Variants in PRR14L observed in about 807,000 individuals in gnomAD.
The protein encoded by PRR14L is protein PRR14L.
A neutral mutation model predicts 155.0 loss-of-function variants in PRR14L; 80 were observed. That is an observed-to-expected ratio of 0.52 (90% CI 0.43 to 0.62). The LOEUF is 0.62. PRR14L is among the 20% of genes least tolerant of loss of function. The probability of loss-of-function intolerance (pLI) is 0.00; values close to 1 mark genes in which losing one functional copy is unlikely to be tolerated. For synonymous variants in PRR14L, 883 were observed against 916.0 expected (o/e 0.96, Z 0.65); for missense variants, 2,469 against 2,548.0 (o/e 0.97, Z 0.67).
In PRR14L at chr22:31,706,057, G is replaced by A. The variant is rs1176419910; in HGVS notation, c.5757-1331C>T. On this transcript the variant is annotated intron_variant, in intron 4 of 8. Coordinates refer to ENST00000327423, the MANE Select transcript of PRR14L (RefSeq NM_173566.3). ...TATAGAAGAAAATTAATGGCCAATCGTAGTGACTCACACCTGTAATCCCAG... is the reference window on the plus strand; with the variant it reads ...TATAGAAGAAAATTAATGGCCAATCATAGTGACTCACACCTGTAATCCCAG... 4.8e-5 allele frequency among the ~76,000 whole-genome samples: 7 copies of A among 145,574 alleles called. No homozygotes were observed. In the East Asian group the frequency reaches 8.6e-4, roughly 18 times the overall value.
rs750537595 is a variant in PRR14L at position 31,688,144 on chromosome 22, A to G, written c.6179+12T>C. 50 of 1,598,450 alleles carry G rather than the reference A, an allele frequency of 3.1e-5. No homozygotes were observed. Among genetic ancestry groups the G allele is most frequent in the Non-Finnish European group, 3.8e-5 (45 of 1,173,866 alleles). On this transcript the variant is annotated intron_variant, in intron 8 of 8. Transcript: ENST00000327423. Reference sequence around the variant, plus strand: ...AATTCTTCCCTTTTATTTCCCAGCTATAAGTACCTACCTGTTTGCAGGAGG... The same window carrying G: ...AATTCTTCCCTTTTATTTCCCAGCTGTAAGTACCTACCTGTTTGCAGGAGG...
chr22:31,713,463 G>GCCA lies in PRR14L; in HGVS notation c.4373_4375dup (p.Val1458dup). On this transcript the variant is annotated inframe_insertion, in exon 4 of 9. Transcript: ENST00000327423. ...CTGGTCTTCTAACTTCTGAGTCTGT[G>GCCA]CCACAATGCTGTCCTTGGCCAGCTT... 1 of 1,551,892 alleles carries GCCA rather than the reference G, an allele frequency of 6.4e-7. No individual in the cohort carries two copies. Among genetic ancestry groups the GCCA allele is most frequent in the Non-Finnish European group, 8.7e-7 (1 of 1,147,040 alleles).
chr22:31,688,184 T>C lies in PRR14L; in HGVS notation c.6151A>G (p.Lys2051Glu). The change falls in exon 8 of 9, where the codon AAG becomes GAG. Residue 2051 changes from lysine (K) to glutamate (E), a missense_variant. Lys to Glu is a moderately conservative substitution (Grantham distance 56). Coordinates refer to ENST00000327423, the MANE Select transcript of PRR14L (RefSeq NM_173566.3). ...TTTGCAGGAGGAGATTTATAATTCT[T>C]GTTGGTATATATCTCTTCTAAACTA... ...EFSLEEIYTN[K>E]NYKSPPANRC... 1 of 1,605,062 alleles carries C rather than the reference T, an allele frequency of 6.2e-7. No individual in the cohort carries two copies. Among genetic ancestry groups the C allele is most frequent in the East Asian group, 2.2e-5 (1 of 44,764 alleles).
chr22:31,741,642 C>A (rs1327068332), intron 1 of PRR14L, among the ~76,000 whole-genome samples: 1 of 152,168 alleles, frequency 6.6e-6, no homozygotes, highest in Non-Finnish European at 1.5e-5. Context: ...GAGGCCCAGG[C>A]AGGCAGATCA....
At position 31,715,851 on chromosome 22, in the gene PRR14L, T is replaced by C; in HGVS notation, c.1988A>G (p.His663Arg). 1.3e-6 allele frequency: 2 copies of C among 1,551,618 alleles called. No homozygotes were observed. Among genetic ancestry groups the C allele is most frequent in the African/African-American group, 1.4e-5 (1 of 73,176 alleles). The change falls in exon 4 of 9, where the codon CAT becomes CGT. Residue 663 changes from histidine to arginine, a missense_variant. Around this residue, in one of 2 missense-constraint regions of PRR14L, gnomAD observed 2,363 missense variants for 2,371.6 expected, o/e 1.00. Coordinates refer to ENST00000327423, the MANE Select transcript of PRR14L (RefSeq NM_173566.3). ...NQQVSLNSQE[H>R]ANLPTDSLLH... is the part of the protein sequence containing the mutation. ...TAGAGAGTCAGTTGGCAAATTTGCA[T>C]GTTCTTGAGAATTAAGGGACACTTG... is the stretch of plus-strand genomic sequence containing the variant.
chr22:31,736,695 TTGCCTCTGCCCACTTTA>T (rs1393626495), intron 2 of PRR14L, among the ~76,000 whole-genome samples: 3 of 152,146 alleles, frequency 2.0e-5, no homozygotes, highest in Non-Finnish European at 4.4e-5. Flanking sequence ...CATTTATGTA[TTGCCTCTGCCCACTTTA>T]TGCTACAATG....
At chr22:31,730,181 T>C (rs1171196050) in intron 2 of PRR14L, among the ~76,000 whole-genome samples, 2 of 150,688 alleles carry the variant, frequency 1.3e-5, no homozygotes, top group Non-Finnish European at 2.9e-5. Flanking sequence ...GGCTCATGCC[T>C]GTAATCCCAG....
At chr22:31,694,869 G>A (rs1470401809) in intron 7 of PRR14L, among the ~76,000 whole-genome samples, 5 of 152,058 alleles carry the variant, frequency 3.3e-5, no homozygotes, top group African/African-American at 1.2e-4. Context: ...CGGATCATGA[G>A]GTCAAGAGAT....
At chr22:31,689,097 T>G (rs778672955) in intron 7 of PRR14L, among the ~76,000 whole-genome samples, 2 of 152,242 alleles carry the variant, frequency 1.3e-5, no homozygotes, top group Non-Finnish European at 2.9e-5. Context: ...AAAGTATCAT[T>G]ATTAACTATT....
chr22:31,717,659 TA>T (rs1351567474), intron 3 of PRR14L, among the ~76,000 whole-genome samples: 2 of 152,236 alleles, frequency 1.3e-5, no homozygotes, highest in Admixed American at 1.3e-4. Context: ...AATAACAGCT[TA>T]TTTTACTAGA....
chr22:31,733,462 G>A (rs1345581206), intron 2 of PRR14L, among the ~76,000 whole-genome samples: 1 of 150,910 alleles, frequency 6.6e-6, no homozygotes, highest in Non-Finnish European at 1.5e-5. Context: ...GCATCACTGC[G>A]CCCAGCTGAT....
rs373112032 is a variant in PRR14L at position 31,716,361 on chromosome 22, T to C, written c.1478A>G (p.His493Arg). 1 of 1,551,036 alleles carries C rather than the reference T, an allele frequency of 6.4e-7. No homozygotes were observed. Among genetic ancestry groups the C allele is most frequent in the Non-Finnish European group, 8.7e-7 (1 of 1,146,826 alleles). The change falls in exon 4 of 9, where the codon CAT (histidine) becomes CGT (arginine). Residue 493 changes from histidine to arginine, a missense_variant. His to Arg is a conservative substitution (Grantham distance 29). Coordinates refer to ENST00000327423, the MANE Select transcript of PRR14L (RefSeq NM_173566.3). ...VQGNLTNPED[H>R]KETFTNMSHP... Reference sequence around the variant, plus strand: ...GCTCATATTAGTAAAAGTTTCTTTATGGTCCTCAGGGTTTGTCAAGTTACC... The same window carrying C: ...GCTCATATTAGTAAAAGTTTCTTTACGGTCCTCAGGGTTTGTCAAGTTACC...
At chr22:31,688,414 C>T (rs1447729713) in intron 7 of PRR14L, among the ~76,000 whole-genome samples, 187 bp from the exon 8 acceptor site, 1 of 151,410 alleles carries the variant, frequency 6.6e-6, no homozygotes, top group African/African-American at 2.4e-5. Context: ...GCCACCATGC[C>T]AGGCTAGATT....
At chr22:31,690,398 TG>T (rs1221913720) in intron 7 of PRR14L, among the ~76,000 whole-genome samples, 3 of 152,162 alleles carry the variant, frequency 2.0e-5, no homozygotes, top group Admixed American at 2.0e-4. Context: ...TTGGCCAGGC[TG>T]GTCTTGAACT....
intron 3 of PRR14L, among the ~76,000 whole-genome samples, chr22:31,722,548 A>T (rs1229826026): frequency 1.5e-5 from 2 of 136,906 alleles, no homozygotes; most frequent in Non-Finnish European, 3.1e-5. Context: ...TTTGAGACGG[A>T]GTCTTGCTCT....
chr22:31,733,885 T>C lies in PRR14L; in HGVS notation c.474+4502A>G, dbSNP rs944122885. On this transcript the variant is annotated intron_variant, in intron 2 of 8. Transcript: ENST00000327423. ...CTAATTACACGAGGCTGACCATCTC[T>C]TATGTTTAACCACCACCACCACACA... Among the ~76,000 whole-genome samples the C allele has an allele frequency of 3.3e-5, 5 of 151,868 alleles. No homozygotes were observed. In the East Asian group the frequency reaches 7.7e-4, roughly 23 times the overall value.
Position 31,717,027 on chromosome 22 carries a change from T to C in PRR14L, c.812A>G (p.Glu271Gly). The change falls in exon 4 of 9, where the codon GAA (glutamate) becomes GGA (glycine). Residue 271 changes from glutamate to glycine, a missense_variant. Transcript: ENST00000327423. ...VLTEATPKEK[E>G]CEELKSCPWL... is the part of the protein sequence containing the mutation. ...AGGACAACTTTTTAATTCTTCACAT[T>C]CTTTTTCTTTAGGAGTTGCTTCTGT... 6.4e-7 allele frequency: 1 copy of C among 1,551,824 alleles called. No individual in the cohort carries two copies. Among genetic ancestry groups the C allele is most frequent in the Non-Finnish European group, 8.7e-7 (1 of 1,147,012 alleles).
intron 3 of PRR14L, among the ~76,000 whole-genome samples, chr22:31,719,110 T>A (rs2074676646): frequency 6.7e-6 from 1 of 149,016 alleles, no homozygotes. Flanking sequence ...AACAAAACAA[T>A]CTAATTCCTG....
intron 3 of PRR14L, 50 bp from the exon 4 acceptor site, chr22:31,717,341 T>C: frequency 7.2e-7 from 1 of 1,385,696 alleles, no homozygotes; most frequent in South Asian, 1.4e-5. Flanking sequence ...AAAAAATCAC[T>C]TGGTCTACCT....
Sources: allele counts gnomAD v4.1 joint callset (sites outside exome capture counted in the v4.1 genomes callset), GRCh38; gene constraint gnomAD v4.1.1; regional missense constraint gnomAD v4.1.1; transcripts MANE v1.5; gene names NCBI Gene and HGNC (gene_info 2026-07-23, HGNC 2026-07-21).